The following SASH1 variants were observed in gnomAD, a reference collection of about 807,000 sequenced individuals.
SASH1 encodes the protein SAM and SH3 domain containing 1.
A neutral mutation model predicts 125.2 loss-of-function variants in SASH1; 44 were observed. The observed-to-expected ratio is 0.35, with a 90% CI of 0.28 to 0.45. The LOEUF is 0.45. Among genes scored for constraint, SASH1 ranks in the 20% least tolerant of loss-of-function variants. SASH1 has a pLI of 1.00. For missense variants in SASH1, 1,426 were observed against 1,614.5 expected (o/e 0.88, Z 2.00); for synonymous variants, 639 against 649.1 (o/e 0.98, Z 0.24).
At chr6:148,366,752 C>T (rs1175966750) in intron 1 of SASH1, among the ~76,000 whole-genome samples, 1 of 151,810 alleles carries the variant, frequency 6.6e-6, no homozygotes, top group African/African-American at 2.4e-5. Context: ...TACGGGCCAC[C>T]AAGCCCGCGT....
At chr6:148,393,419 C>T (rs1429488177) in intron 2 of SASH1, among the ~76,000 whole-genome samples, 1 of 151,988 alleles carries the variant, frequency 6.6e-6, no homozygotes, top group Non-Finnish European at 1.5e-5. Context: ...CCTCCTCAGA[C>T]ATTTTACTGT....
chr6:148,456,809 G>A (rs755741924), intron 4 of SASH1, among the ~76,000 whole-genome samples: 9 of 151,392 alleles, frequency 5.9e-5, no homozygotes, highest in Middle Eastern at 3.4e-3. Context: ...TGGCTGCAGT[G>A]AGCTATAATC....
At chr6:148,493,179 C>G (rs1177546268) in intron 8 of SASH1, among the ~76,000 whole-genome samples, 1 of 152,160 alleles carries the variant, frequency 6.6e-6, no homozygotes, top group African/African-American at 2.4e-5. Flanking sequence ...ACACCCATGC[C>G]CACCTCTGGT....
In SASH1 at chr6:148,548,714, G is replaced by A. The variant is rs1373255696; in HGVS notation, c.*156G>A. 2.5e-6 allele frequency: 2 copies of A among 786,800 alleles called. No individual in the cohort carries two copies. The highest frequency in any genetic ancestry group is 1.9e-6 in the Non-Finnish European group (1 of 528,952). 48.7% of individuals were successfully genotyped at this position (786,800 alleles called of 1,614,324 possible). ...GCGTGAAACCTTGGCACAGGACTGA[G>A]GATCCTCTCCTCCAGAAAAGCCCCC... On this transcript the variant is annotated 3_prime_UTR_variant, in exon 20 of 20. Transcript: ENST00000367467.
Position 148,470,393 on chromosome 6 carries a change from C to T in SASH1, c.428-1024C>T, listed in dbSNP as rs143629844. On this transcript the variant is annotated intron_variant, in intron 5 of 19. Transcript: ENST00000367467. ...TCTAGACTGGGGAAACCCATCACTT[C>T]GCTGGGCCCTGTTTCCAGTGGCCAT... Among the ~76,000 whole-genome samples, 215 of 152,314 alleles carry T rather than the reference C, an allele frequency of 1.4e-3. 1 individual carries two copies. Among genetic ancestry groups the T allele is most frequent in the African/African-American group, 4.1e-3 (170 of 41,570 alleles).
At chr6:148,265,355 A>C in the SASH1 span, among the ~76,000 whole-genome samples, 1 of 136,910 alleles carries the variant, frequency 7.3e-6, no homozygotes, top group African/African-American at 2.7e-5. Flanking sequence ...GAGGGAGGGA[A>C]GGAGGGACGG....
the SASH1 span, among the ~76,000 whole-genome samples, chr6:148,222,068 C>A: frequency 0.019 from 2,953 of 152,236 alleles, 86 homozygotes; most frequent in Admixed American, 0.08. Context: ...GCAAGGTGAA[C>A]TTCTTCTCCC....
chr6:148,514,284 G>A (rs779288076), intron 8 of SASH1, 40 bp from the exon 9 acceptor site: 1 of 1,589,258 alleles, frequency 6.3e-7, no homozygotes. Context: ...AAAGCTCGGA[G>A]CAATTACCTG....
At chr6:148,328,628 CT>C (rs1414767586) in intron 1 of SASH1, among the ~76,000 whole-genome samples, 6 of 151,752 alleles carry the variant, frequency 4.0e-5, no homozygotes. Flanking sequence ...CCTGTGATTA[CT>C]TTTGCACCTA....
chr6:148,464,131 T>C (rs62432310), intron 4 of SASH1, among the ~76,000 whole-genome samples: 13,473 of 152,266 alleles, frequency 0.088, 701 homozygotes, highest in Middle Eastern at 0.14. Context: ...TTCAATGGGA[T>C]TGATAAATTC....
chr6:148,440,385 T>C lies in SASH1; in HGVS notation c.364T>C (p.Ser122Pro). The change falls in exon 4 of 20, where the codon TCA (serine) becomes CCA (proline). Residue 122 changes from serine to proline, a missense_variant. Coordinates refer to ENST00000367467, the MANE Select transcript of SASH1 (RefSeq NM_015278.5). ...EESLGFCSAV[S>P]TPEVERKNPL... ...GTCGCTTGGCTTCTGTAGCGCCGTG[T>C]CAACCCCAGAAGTGGAAAGAAAGTA... The C allele has an allele frequency of 6.2e-7, 1 of 1,614,106 alleles. No individual in the cohort carries two copies. The highest frequency in any genetic ancestry group is 8.5e-7 in the Non-Finnish European group (1 of 1,180,006).
At chr6:148,230,112 C>T in the SASH1 span, among the ~76,000 whole-genome samples, 15 of 152,298 alleles carry the variant, frequency 9.8e-5, no homozygotes, top group South Asian at 2.9e-3. Context: ...TACTTCCCAT[C>T]TCTATAGATC....
chr6:148,418,024 G>A (rs987228117), intron 2 of SASH1, among the ~76,000 whole-genome samples: 1 of 152,140 alleles, frequency 6.6e-6, no homozygotes, highest in African/African-American at 2.4e-5. Flanking sequence ...ACAAAAGGTG[G>A]GGAAGTGGGA....
chr6:148,336,590 A>G (rs1360554715), intron 1 of SASH1, among the ~76,000 whole-genome samples: 1 of 152,188 alleles, frequency 6.6e-6, no homozygotes, highest in African/African-American at 2.4e-5. Context: ...CTAAACCAGA[A>G]GTGGTTCAGG....
chr6:148,445,684 C>T (rs1444835168), intron 4 of SASH1, among the ~76,000 whole-genome samples: 1 of 152,080 alleles, frequency 6.6e-6, no homozygotes, highest in Non-Finnish European at 1.5e-5. Flanking sequence ...GCTGCATCTT[C>T]TAGGTGGGAA....
chr6:148,364,807 A>G (rs999943121), intron 1 of SASH1, among the ~76,000 whole-genome samples: 7 of 151,804 alleles, frequency 4.6e-5, no homozygotes, highest in African/African-American at 1.7e-4. Context: ...TAAAAAATTA[A>G]GAACATTCCA....
chr6:148,480,445 G>C (rs1778569598), intron 7 of SASH1: 1 of 152,110 alleles, frequency 6.6e-6, no homozygotes, highest in Non-Finnish European at 1.5e-5. Flanking sequence ...GGTGTGATAG[G>C]ACGTACCATT....
intron 1 of SASH1, among the ~76,000 whole-genome samples, chr6:148,363,591 G>A (rs1307002266): frequency 2.0e-5 from 3 of 151,904 alleles, no homozygotes; most frequent in Admixed American, 1.3e-4. Flanking sequence ...TAGTAGGGAC[G>A]GGGTTTCACC....
intron 7 of SASH1, among the ~76,000 whole-genome samples, chr6:148,484,522 T>A (rs1778758600): frequency 6.6e-6 from 1 of 150,484 alleles, no homozygotes; most frequent in Non-Finnish European, 1.5e-5. Context: ...TAACAGGTAA[T>A]TATCCATGTA....
Sources: gnomAD v4.1 joint callset for allele counts (sites outside exome capture counted in the v4.1 genomes callset) on GRCh38, gnomAD v4.1.1 for gene constraint, MANE v1.5 for transcripts, NCBI Gene and HGNC (gene_info 2026-07-23, HGNC 2026-07-21) for gene names.